B3GNT3: variants seen among roughly 807,000 people sequenced by gnomAD.
B3GNT3 encodes the protein UDP-GlcNAc:betaGal beta-1,3-N-acetylglucosaminyltransferase 3.
A neutral mutation model predicts 11.6 loss-of-function variants in B3GNT3; 7 were observed. The observed-to-expected ratio is 0.60, with a 90% CI of 0.34 to 1.13. The LOEUF (loss-of-function observed/expected upper bound fraction) is 1.13, where lower values mean the gene tolerates loss of function less well. Ranked by LOEUF, B3GNT3 falls within the 50% of genes most tolerant of loss-of-function variation. The pLI, the probability that B3GNT3 is intolerant of heterozygous loss-of-function variation, is 0.03. For synonymous variants in B3GNT3, 201 were observed against 222.1 expected (o/e 0.90, Z 0.85); for missense variants, 400 against 507.4 (o/e 0.79, Z 2.03).
rs76214409 is a variant in B3GNT3, at chr19:17,810,159, G to A, written c.568-1412G>A. Among the ~76,000 whole-genome samples the A allele has an allele frequency of 5.6e-3, 858 of 152,264 alleles. 7 individuals are homozygous for A. Among genetic ancestry groups the A allele is most frequent in the African/African-American group, 0.02 (826 of 41,552 alleles). ...CTGTAGGGGAAACTGAGGCTGAGGC[G>A]GGTAGGGGCCATGGCCTCTTAACAT... On this transcript the variant is annotated intron_variant, in intron 2 of 2. Coordinates refer to ENST00000318683, the MANE Select transcript of B3GNT3 (RefSeq NM_014256.4).
In B3GNT3 at chr19:17,808,059, C is replaced by T. The variant is rs988228857; in HGVS notation, c.252C>T (p.Leu84=). Residue 84 remains leucine (L), a synonymous_variant, in exon 2 of 3, where the codon CTC becomes CTT. Transcript: ENST00000318683. ...AGCCGCAGCACGTTCAGAACTTCCT[C>T]CTGTACAGACACTGCCGCCACTTTC... ...ATQPQHVQNF[L]LYRHCRHFPL... is the part of the protein sequence containing the mutation. The T allele has an allele frequency of 1.1e-5, 17 of 1,613,424 alleles. No individual in the cohort carries two copies. In the Admixed American group the frequency reaches 2.7e-4, roughly 25 times the overall value.
intron 1 of B3GNT3, among the ~76,000 whole-genome samples, chr19:17,804,533 C>CTTTTTTTTTTTTTTTT (rs67513010): frequency 3.5e-5 from 2 of 57,016 alleles, no homozygotes; most frequent in Non-Finnish European, 5.7e-5. Flanking sequence ...CCGTGCCCAG[C>CTTTTTTTTTTTTTTTT]TTTTTTTTTT....
chr19:17,797,785 G>C (rs62123687), intron 1 of B3GNT3, among the ~76,000 whole-genome samples: 6 of 151,984 alleles, frequency 3.9e-5, no homozygotes, highest in African/African-American at 1.5e-4. Flanking sequence ...ACTAAAGCAG[G>C]GTCCGGCCAT....
In B3GNT3 at chr19:17,808,054, T is replaced by G. The variant is rs1048476568; in HGVS notation, c.247T>G (p.Phe83Val). ...FATQPQHVQN[F>V]LLYRHCRHFP... ...CACGCAGCCGCAGCACGTTCAGAAC[T>G]TCCTCCTGTACAGACACTGCCGCCA... The change falls in exon 2 of 3, where the codon TTC becomes GTC. Residue 83 changes from phenylalanine to valine, a missense_variant. By Grantham distance (50) the Phe-to-Val change is conservative. Coordinates refer to ENST00000318683, the MANE Select transcript of B3GNT3 (RefSeq NM_014256.4). 1 of 1,500,166 alleles carries G rather than the reference T, an allele frequency of 6.7e-7. No homozygotes were observed. Among genetic ancestry groups the G allele is most frequent in the Admixed American group, 1.8e-5 (1 of 54,778 alleles). The allele number at this position is 1,500,166 out of a possible 1,614,324, so 92.9% of individuals were successfully genotyped here. A position where few individuals can be genotyped will look rare whatever the true frequency, so the allele number is the denominator to read the frequency against.
At chr19:17,805,954 C>T (rs2094172513) in intron 1 of B3GNT3, among the ~76,000 whole-genome samples, 1 of 151,604 alleles carries the variant, frequency 6.6e-6, no homozygotes. Flanking sequence ...CATGCTACCA[C>T]AGCCTGCTAA....
rs559279651 is a variant in B3GNT3, at chr19:17,795,495, C to T, written c.-51+289C>T. Among the ~76,000 whole-genome samples the T allele has an allele frequency of 2.6e-4, 39 of 152,342 alleles. 2 individuals carry two copies. In the South Asian group the frequency reaches 7.9e-3, roughly 31 times the overall value. ...CCCAGATTGGGCGGGATCAGACCCC[C>T]GAGGCGGATGCCGCTTAGTCAGACT... On this transcript the variant is annotated intron_variant, in intron 1 of 2. Coordinates refer to ENST00000318683, the MANE Select transcript of B3GNT3 (RefSeq NM_014256.4).
At chr19:17,796,795 C>A (rs1360484982) in intron 1 of B3GNT3, among the ~76,000 whole-genome samples, 1 of 152,110 alleles carries the variant, frequency 6.6e-6, no homozygotes, top group Non-Finnish European at 1.5e-5. Context: ...TTCAGGAATC[C>A]AGACAAGCCA....
intron 1 of B3GNT3, among the ~76,000 whole-genome samples, chr19:17,806,092 C>T (rs548722296): frequency 6.6e-6 from 1 of 152,174 alleles, no homozygotes; most frequent in East Asian, 1.9e-4. Flanking sequence ...CTCAGCCTCC[C>T]GAGTAGTTGG....
chr19:17,802,826 C>A (rs1003808937), intron 1 of B3GNT3, among the ~76,000 whole-genome samples: 1 of 151,838 alleles, frequency 6.6e-6, no homozygotes, highest in African/African-American at 2.4e-5. Flanking sequence ...TAAAGGCATA[C>A]ACCACCATAC....
chr19:17,808,155 C>G lies in B3GNT3; in HGVS notation c.348C>G (p.Ser116=). ...PVFLLLVIKS[S]PSNYVRRELL... is the part of the protein sequence containing the mutation. ...TCCTGCTGCTGGTGATCAAGTCCTC[C>G]CCTAGCAACTATGTGCGCCGCGAGC... The change falls in exon 2 of 3, where the codon TCC becomes TCG. Residue 116 remains serine, a synonymous_variant. Coordinates refer to ENST00000318683, the MANE Select transcript of B3GNT3 (RefSeq NM_014256.4). 6.2e-7 allele frequency: 1 copy of G among 1,612,520 alleles called. No homozygotes were observed. Among genetic ancestry groups the G allele is most frequent in the Non-Finnish European group, 8.5e-7 (1 of 1,179,044 alleles).
At chr19:17,800,628 A>G (rs1390586894) in intron 1 of B3GNT3, among the ~76,000 whole-genome samples, 1 of 152,184 alleles carries the variant, frequency 6.6e-6, no homozygotes, top group Non-Finnish European at 1.5e-5. Context: ...AGTGACCATG[A>G]ATATTTGGTA....
At chr19:17,807,089 G>A (rs2094173980) in intron 1 of B3GNT3, among the ~76,000 whole-genome samples, 1 of 121,620 alleles carries the variant, frequency 8.2e-6, no homozygotes, top group African/African-American at 2.9e-5. Flanking sequence ...AAGCCCTTTT[G>A]CAGTCAGGGA....
chr19:17,807,444 A>G (rs2147652134), intron 1 of B3GNT3, among the ~76,000 whole-genome samples: 1 of 151,426 alleles, frequency 6.6e-6, no homozygotes, highest in South Asian at 2.1e-4. Flanking sequence ...GTAAGCGGAA[A>G]TTACACCACT....
chr19:17,809,184 G>A (rs2094177563), intron 2 of B3GNT3, among the ~76,000 whole-genome samples: 1 of 152,086 alleles, frequency 6.6e-6, no homozygotes, highest in Non-Finnish European at 1.5e-5. Context: ...GAGGCTGGGG[G>A]CCTTGTCTGT....
At position 17,812,206 on chromosome 19, in the gene B3GNT3, T is replaced by C; in HGVS notation, c.*84T>C. On this transcript the variant is annotated 3_prime_UTR_variant, in exon 3 of 3. Coordinates refer to ENST00000318683, the MANE Select transcript of B3GNT3 (RefSeq NM_014256.4). ...TCCTCCCAGGAAGCTGAGACCTTTG[T>C]GGTCTGAGCATAAGGGAGTGCCAGG... The C allele has an allele frequency of 1.4e-6, 2 of 1,414,336 alleles. No individual in the cohort carries two copies. The highest frequency in any genetic ancestry group is 1.9e-6 in the Non-Finnish European group (2 of 1,067,110). The allele number at this position is 1,414,336 out of a possible 1,614,324, so 87.6% of individuals were successfully genotyped here. A position where few individuals can be genotyped will look rare whatever the true frequency, so the allele number is the denominator to read the frequency against.
chr19:17,800,265 C>T (rs576858413), intron 1 of B3GNT3, among the ~76,000 whole-genome samples: 5 of 152,306 alleles, frequency 3.3e-5, no homozygotes, highest in African/African-American at 1.2e-4. Flanking sequence ...ATCTCAGCTA[C>T]TTGGGAGGCT....
At chr19:17,810,325 G>A (rs912707595) in intron 2 of B3GNT3, among the ~76,000 whole-genome samples, 12 of 151,904 alleles carry the variant, frequency 7.9e-5, no homozygotes, top group African/African-American at 2.4e-4. Flanking sequence ...CAGCAGGATC[G>A]CTTGAACCCT....
Position 17,812,306 on chromosome 19 carries a change from G to A in B3GNT3, c.*184G>A. The A allele has an allele frequency of 1.7e-6, 1 of 601,230 alleles. No individual in the cohort carries two copies. Among genetic ancestry groups the A allele is most frequent in the Non-Finnish European group, 2.8e-6 (1 of 353,786 alleles). 37.2% of individuals were successfully genotyped at this position (601,230 alleles called of 1,614,324 possible). A position where few individuals can be genotyped will look rare whatever the true frequency, so the allele number is the denominator to read the frequency against. On this transcript the variant is annotated 3_prime_UTR_variant, in exon 3 of 3. Coordinates refer to ENST00000318683, the MANE Select transcript of B3GNT3 (RefSeq NM_014256.4). ...CATCCTTCAAAACCCACCTGGTACTGTTCCAGCATCTTCCCTGGATGGCTG... is the reference window on the plus strand; with the variant it reads ...CATCCTTCAAAACCCACCTGGTACTATTCCAGCATCTTCCCTGGATGGCTG...
In B3GNT3 at chr19:17,807,963, A is replaced by AGG; in HGVS notation, c.156_157insGG (p.Pro53GlyfsTer61). On this transcript the variant is annotated frameshift_variant, in exon 2 of 3. Coordinates refer to ENST00000318683, the MANE Select transcript of B3GNT3 (RefSeq NM_014256.4). LOFTEE classifies it high-confidence loss of function. ...CCGAGGCCCTGGCCTGGCCCACTCCACCCACCCGCCCAGCCCCGGCCCCGT... is the reference window on the plus strand; with the variant it reads ...CCGAGGCCCTGGCCTGGCCCACTCCAGGCCCACCCGCCCAGCCCCGGCCCCGT... 8.2e-7 allele frequency: 1 copy of AGG among 1,223,184 alleles called. No individual in the cohort carries two copies. Among genetic ancestry groups the AGG allele is most frequent in the Non-Finnish European group, 1.2e-6 (1 of 866,372 alleles). The allele number at this position is 1,223,184 out of a possible 1,614,324, so 75.8% of individuals were successfully genotyped here.
Sources: gnomAD v4.1 joint callset for allele counts (sites outside exome capture counted in the v4.1 genomes callset) on GRCh38, gnomAD v4.1.1 for gene constraint, MANE v1.5 for transcripts, NCBI Gene and HGNC (gene_info 2026-07-23, HGNC 2026-07-21) for gene names.